TRRAP: variants seen among roughly 807,000 people sequenced by gnomAD.
TRRAP encodes transformation/transcription domain associated protein.
A neutral mutation model predicts 438.8 loss-of-function variants in TRRAP; 41 were observed. The ratio of observed to expected loss-of-function variants is 0.09; its 90% CI spans 0.07 to 0.12. TRRAP has a LOEUF of 0.12. Among genes scored for constraint, TRRAP ranks in the 10% least tolerant of loss-of-function variants. TRRAP has a pLI of 1.00. For synonymous variants in TRRAP, 1,994 were observed against 1,962.9 expected (o/e 1.02, Z -0.42); for missense variants, 3,122 against 5,055.1 (o/e 0.62, Z 11.60).
Position 98,994,691 on chromosome 7 carries a change from T to C in TRRAP, c.10152T>C (p.Phe3384=), listed in dbSNP as rs1337455643. The C allele has an allele frequency of 1.9e-6, 3 of 1,614,102 alleles. No individual in the cohort carries two copies. The Admixed American group carries it at 5.0e-5, about 27-fold the overall frequency. Residue 3384 remains phenylalanine, a synonymous_variant, in exon 67 of 73, where the codon TTT becomes TTC. Transcript: ENST00000456197. The surrounding 1 kb of genome is among the most constrained non-coding windows in gnomAD (Gnocchi z 4.8). ...AAATCACCCCCCACACTCTCAATTTTGTGAAGAAGTTGGTGAGCACGTTTG... is the reference window on the plus strand; with the variant it reads ...AAATCACCCCCCACACTCTCAATTTCGTGAAGAAGTTGGTGAGCACGTTTG... ...DAKITPHTLN[F]VKKLVSTFGV... is the part of the protein sequence containing the mutation.
At chr7:98,915,952 C>T in intron 19 of TRRAP, 64 bp downstream of exon 19, 1 of 1,589,290 alleles carries the variant, frequency 6.3e-7, no homozygotes, top group Non-Finnish European at 8.6e-7. Flanking sequence ...GTCTAGCCAT[C>T]CTGATTGCTG....
intron 3 of TRRAP, among the ~76,000 whole-genome samples, chr7:98,889,448 G>A (rs1281421573): frequency 6.6e-6 from 1 of 151,876 alleles, no homozygotes; most frequent in Non-Finnish European, 1.5e-5. Context: ...TATCCCCAGA[G>A]TTTAGGTAAC....
At chr7:98,998,511 C>T (rs1793774428) in intron 67 of TRRAP, 1 of 186,818 alleles carries the variant, frequency 5.4e-6, no homozygotes, top group Non-Finnish European at 1.2e-5. Flanking sequence ...CAATCCACTT[C>T]CATAGCTCGA....
In TRRAP at chr7:98,908,833, C is replaced by T. The variant is rs781819690; in HGVS notation, c.1221C>T (p.Asp407=). 61 of 1,612,916 alleles carry T rather than the reference C, an allele frequency of 3.8e-5. No homozygotes were observed. The highest frequency in any genetic ancestry group is 4.4e-5 in the Non-Finnish European group (52 of 1,179,642). The part of the protein sequence containing the change: ...LAVQLFAKNI[D]DESLPSSIQT... The stretch of plus-strand genomic sequence containing the variant: ...TCCAGCTCTTCGCCAAGAACATCGA[C>T]GATGAGTCCCTGCCCAGCAGCATCC... Residue 407 remains aspartate (D), a synonymous_variant, in exon 14 of 73, where the codon GAC becomes GAT. Coordinates refer to ENST00000456197, the MANE Select transcript of TRRAP (RefSeq NM_001375524.1). This position sits in a 1 kb window ranked among gnomAD's most constrained non-coding sequence, Gnocchi z 4.1.
At chr7:98,899,143 C>T (rs1228725802) in intron 8 of TRRAP, among the ~76,000 whole-genome samples, 5 of 152,082 alleles carry the variant, frequency 3.3e-5, no homozygotes, top group African/African-American at 1.2e-4. Flanking sequence ...GAGCCAAGAT[C>T]GCACCACTGC....
Position 98,927,072 on chromosome 7 carries a change from G to A in TRRAP, c.2976-95G>A, listed in dbSNP as rs1222660157. On this transcript the variant is annotated intron_variant, in intron 22 of 72. Transcript: ENST00000456197. ...TACCCAGGCCTGTCTGAATAAGAGG[G>A]AAGCAAGCAGATTAAAAATTTGAAA... 12 of 1,354,558 alleles carry A rather than the reference G, an allele frequency of 8.9e-6. 1 individual carries two copies. The highest frequency in any genetic ancestry group is 1.2e-5 in the Non-Finnish European group (12 of 965,624). The allele number at this position is 1,354,558 out of a possible 1,614,324, so 83.9% of individuals were successfully genotyped here.
chr7:98,962,035 A>G (rs900277350), intron 46 of TRRAP, among the ~76,000 whole-genome samples: 1 of 152,254 alleles, frequency 6.6e-6, no homozygotes, highest in Non-Finnish European at 1.5e-5. Flanking sequence ...AAAAGTATTC[A>G]AATGTTGAAC....
chr7:98,878,995 C>T (rs1795293199), intron 1 of TRRAP, among the ~76,000 whole-genome samples: 1 of 151,970 alleles, frequency 6.6e-6, no homozygotes, highest in Non-Finnish European at 1.5e-5. Context: ...GGGGCCTGTC[C>T]CTCCGGAGGC....
rs888664982 is a variant in TRRAP at position 98,948,353 on chromosome 7, C to G, written c.4668+13C>G. On this transcript the variant is annotated intron_variant, in intron 34 of 72. Transcript: ENST00000456197. The surrounding 1 kb of genome is among the most constrained non-coding windows in gnomAD (Gnocchi z 4.9). ...GATGCTGATCGAGGTAAGGGCCATACTGAAGGCTGCTTCTCGCTCTGCCAC... is the reference window on the plus strand; with the variant it reads ...GATGCTGATCGAGGTAAGGGCCATAGTGAAGGCTGCTTCTCGCTCTGCCAC... 3 of 1,614,140 alleles carry G rather than the reference C, an allele frequency of 1.9e-6. No individual in the cohort carries two copies. The Admixed American group carries it at 5.0e-5, about 27-fold the overall frequency.
In TRRAP at chr7:98,881,183, G is replaced by A; in HGVS notation, c.33G>A (p.Val11=). 6.2e-7 allele frequency: 1 copy of A among 1,610,994 alleles called. No homozygotes were observed. Among genetic ancestry groups the A allele is most frequent in the Non-Finnish European group, 8.5e-7 (1 of 1,178,468 alleles). The change falls in exon 2 of 73, where the codon GTG becomes GTA. Residue 11 remains valine, a synonymous_variant. Transcript: ENST00000456197. ...TTGTTGCAACACAGGGGGCCACGGT[G>A]GTTGACCAGACCACTTTGATGAAAA... MAFVATQGAT[V]VDQTTLMKKY...
chr7:98,911,388 G>C (rs1172837963), intron 17 of TRRAP, 117 bp downstream of exon 17: 1 of 1,033,998 alleles, frequency 9.7e-7, no homozygotes, highest in African/African-American at 1.6e-5. Context: ...TGTGCTTATA[G>C]CTCAAAATTT....
intron 63 of TRRAP, 134 bp downstream of exon 63, chr7:98,989,100 C>A: frequency 1.1e-6 from 1 of 935,854 alleles, no homozygotes; most frequent in Non-Finnish European, 1.6e-6. Flanking sequence ...ATCCTCATCA[C>A]TGTTCGAAGT....
Position 98,894,990 on chromosome 7 carries a change from G to T in TRRAP, c.451-774G>T, listed in dbSNP as rs181319645. Among the ~76,000 whole-genome samples, 236 of 151,922 alleles carry T rather than the reference G, an allele frequency of 1.6e-3. 1 individual carries two copies. Among genetic ancestry groups the T allele is most frequent in the African/African-American group, 5.4e-3 (222 of 41,444 alleles). On this transcript the variant is annotated intron_variant, in intron 6 of 72. Transcript: ENST00000456197. ...TTTGTATATTTTCTACATAATTGTG[G>T]TAATACTGTATATAACATCTTATAG...
At chr7:98,903,047 G>GAT (rs1554406954) in intron 11 of TRRAP, among the ~76,000 whole-genome samples, 1 of 29,000 alleles carries the variant, frequency 3.4e-5, no homozygotes, top group African/African-American at 1.0e-4. Context: ...TTTTTTTGGA[G>GAT]ACGAGTCTCA....
At chr7:98,881,317 A>G (rs1320524870) in intron 2 of TRRAP, 67 bp downstream of exon 2, 2 of 1,467,502 alleles carry the variant, frequency 1.4e-6, no homozygotes, top group African/African-American at 1.4e-5. Context: ...TCACGTCTGT[A>G]ATCCCAGCAC....
At chr7:98,892,056 G>A (rs942134815) in intron 4 of TRRAP, among the ~76,000 whole-genome samples, 1 of 152,148 alleles carries the variant, frequency 6.6e-6, no homozygotes, top group Non-Finnish European at 1.5e-5. Flanking sequence ...GAGCTAATGC[G>A]AGATGGTAAG....
chr7:98,983,545 G>C lies in TRRAP; in HGVS notation c.9022+86G>C. 3.4e-6 allele frequency: 5 copies of C among 1,487,148 alleles called. No homozygotes were observed. In the South Asian group the frequency reaches 6.2e-5, roughly 18 times the overall value. The allele number at this position is 1,487,148 out of a possible 1,614,324, so 92.1% of individuals were successfully genotyped here. A position where few individuals can be genotyped will look rare whatever the true frequency, so the allele number is the denominator to read the frequency against. ...GGTTTCGTCTCTGTGTTTTGGTTTG[G>C]TTTGGTTTGGTTTTTTTTTCCCCCA... On this transcript the variant is annotated intron_variant, in intron 60 of 72. Coordinates refer to ENST00000456197, the MANE Select transcript of TRRAP (RefSeq NM_001375524.1).
rs538815744 is a variant in TRRAP, at chr7:99,005,085, G to A, written c.10536-46G>A. Reference sequence around the variant, plus strand: ...TAGCTTCTTCTCAAGACAAGGACTGGTAGCAGAGATGCAGGGCATGTCCTC... The same window carrying A: ...TAGCTTCTTCTCAAGACAAGGACTGATAGCAGAGATGCAGGGCATGTCCTC... On this transcript the variant is annotated intron_variant, in intron 68 of 72. Coordinates refer to ENST00000456197, the MANE Select transcript of TRRAP (RefSeq NM_001375524.1). This position sits in a 1 kb window ranked among gnomAD's most constrained non-coding sequence, Gnocchi z 5.1. 2 of 1,586,650 alleles carry A rather than the reference G, an allele frequency of 1.3e-6. No homozygotes were observed. The highest frequency in any genetic ancestry group is 2.2e-5 in the South Asian group (2 of 90,406).
chr7:98,961,067 G>A (rs1414148906), intron 45 of TRRAP, among the ~76,000 whole-genome samples, 194 bp from the exon 46 acceptor site: 1 of 152,142 alleles, frequency 6.6e-6, no homozygotes, highest in Non-Finnish European at 1.5e-5. Flanking sequence ...TTAAAAAAGA[G>A]TTTGAGTAGT....
Sources: allele counts gnomAD v4.1 joint callset (sites outside exome capture counted in the v4.1 genomes callset), GRCh38; gene constraint gnomAD v4.1.1; non-coding constraint Gnocchi (gnomAD v3.1); transcripts MANE v1.5; gene names NCBI Gene and HGNC (gene_info 2026-07-23, HGNC 2026-07-21).